Variants in ALPK2 observed in about 807,000 individuals in gnomAD.
ALPK2 encodes alpha-protein kinase 2.
ALPK2 carries 127 observed loss-of-function variants against 163.1 expected under a neutral mutation model. The ratio of observed to expected loss-of-function variants is 0.78; its 90% CI spans 0.67 to 0.90. The LOEUF (loss-of-function observed/expected upper bound fraction) is 0.90. ALPK2 is among the 40% of genes least tolerant of loss of function. The pLI is 0.00. For synonymous variants in ALPK2, 953 were observed against 959.1 expected (o/e 0.99, Z 0.12); for missense variants, 2,360 against 2,589.6 (o/e 0.91, Z 1.92).
chr18:58,626,159 G>T (rs1295301687), intron 1 of ALPK2, among the ~76,000 whole-genome samples: 1 of 152,152 alleles, frequency 6.6e-6, no homozygotes, highest in Non-Finnish European at 1.5e-5. Flanking sequence ...ATGGGCCTGG[G>T]AAAGAGCTGT....
intron 11 of ALPK2, among the ~76,000 whole-genome samples, chr18:58,501,252 T>G (rs1806503): frequency 1.5e-4 from 23 of 152,230 alleles, no homozygotes; most frequent in African/African-American, 5.5e-4. Context: ...TAACTGTGCA[T>G]GAAGCCCTGG....
At chr18:58,493,694 C>T (rs1198642440) in intron 12 of ALPK2, among the ~76,000 whole-genome samples, 2 of 152,114 alleles carry the variant, frequency 1.3e-5, no homozygotes, top group African/African-American at 4.8e-5. Context: ...AGGCTTCTGT[C>T]CAGGGTCTCG....
chr18:58,566,683 T>C (rs1207480511), intron 4 of ALPK2: 4 of 152,212 alleles, frequency 2.6e-5, no homozygotes, highest in Non-Finnish European at 4.4e-5. Flanking sequence ...AATGCACACC[T>C]GTTTTGGATT....
chr18:58,501,170 A>G (rs1246847912), intron 11 of ALPK2, among the ~76,000 whole-genome samples: 1 of 152,256 alleles, frequency 6.6e-6, no homozygotes, highest in Non-Finnish European at 1.5e-5. Context: ...CCACCACGTT[A>G]AACCACACAC....
intron 4 of ALPK2, among the ~76,000 whole-genome samples, chr18:58,565,939 G>A (rs944299124): frequency 2.6e-4 from 40 of 151,790 alleles, no homozygotes; most frequent in Admixed American, 5.9e-4. Context: ...GCACCACCAC[G>A]CCCCGGCTAA....
chr18:58,486,644 C>A (rs143265457), intron 12 of ALPK2, among the ~76,000 whole-genome samples: 1 of 152,198 alleles, frequency 6.6e-6, no homozygotes, highest in South Asian at 2.1e-4. Flanking sequence ...CAGTGTTGAA[C>A]TTCCCTTTCC....
At chr18:58,529,400 C>T (rs920171629) in intron 5 of ALPK2, among the ~76,000 whole-genome samples, 162 bp from the exon 6 acceptor site, 1 of 152,074 alleles carries the variant, frequency 6.6e-6, no homozygotes, top group Non-Finnish European at 1.5e-5. Context: ...CCTAAATAGT[C>T]GGAAAATTTA....
intron 1 of ALPK2, among the ~76,000 whole-genome samples, chr18:58,626,844 TTATA>T (rs1266000911): frequency 1.3e-5 from 2 of 151,978 alleles, no homozygotes; most frequent in Non-Finnish European, 2.9e-5. Context: ...TTCTATTACT[TTATA>T]TAGTTTATTT....
At chr18:58,581,792 G>A (rs2051960354) in intron 3 of ALPK2, among the ~76,000 whole-genome samples, 1 of 152,208 alleles carries the variant, frequency 6.6e-6, no homozygotes. Flanking sequence ...CAGGAGCTGT[G>A]GGTCTGGCTT....
chr18:58,545,604 G>A (rs954677611), intron 4 of ALPK2, among the ~76,000 whole-genome samples: 2 of 152,226 alleles, frequency 1.3e-5, no homozygotes, highest in Non-Finnish European at 1.5e-5. Context: ...CAGAAGCCCC[G>A]GGGCCAGGAG....
chr18:58,496,594 A>G (rs1485846285), intron 12 of ALPK2, among the ~76,000 whole-genome samples: 1 of 152,174 alleles, frequency 6.6e-6, no homozygotes, highest in African/African-American at 2.4e-5. Flanking sequence ...CCTTTATTGA[A>G]GCTGAAAATT....
intron 4 of ALPK2, among the ~76,000 whole-genome samples, chr18:58,560,833 T>C (rs1021225669): frequency 5.3e-5 from 8 of 152,180 alleles, no homozygotes; most frequent in Admixed American, 5.2e-4. Context: ...TTTTCCAGAG[T>C]TGGAGAATTT....
intron 12 of ALPK2, among the ~76,000 whole-genome samples, 199 bp downstream of exon 12, chr18:58,497,850 A>G (rs1366650070): frequency 1.3e-5 from 2 of 152,250 alleles, no homozygotes; most frequent in African/African-American, 4.8e-5. Context: ...CAAAGTTAAG[A>G]AACAAATGTG....
Position 58,483,567 on chromosome 18 carries a change from T to TTATC in ALPK2, c.6297-1529_6297-1528insGATA, listed in dbSNP as rs58636544. ...TTTATTTATTTATTTATTTATTTAT[T>TTATC]GAGACAGAGTCTCATTCTTGTTGCC... On this transcript the variant is annotated intron_variant, in intron 12 of 12. Coordinates refer to ENST00000361673, the MANE Select transcript of ALPK2 (RefSeq NM_052947.4). Among the ~76,000 whole-genome samples, 18 of 150,140 alleles carry TTATC rather than the reference T, an allele frequency of 1.2e-4. No individual in the cohort carries two copies. The East Asian group carries it at 3.5e-3, about 29-fold the overall frequency.
At chr18:58,584,453 C>T (rs975110110) in intron 3 of ALPK2, among the ~76,000 whole-genome samples, 1 of 152,160 alleles carries the variant, frequency 6.6e-6, no homozygotes, top group African/African-American at 2.4e-5. Flanking sequence ...GCCATAGAGC[C>T]GGGATAAGAA....
intron 4 of ALPK2, among the ~76,000 whole-genome samples, chr18:58,557,637 AGT>A (rs1305736776): frequency 2.7e-5 from 4 of 148,618 alleles, no homozygotes; most frequent in East Asian, 2.0e-4. Context: ...TATAAACTAT[AGT>A]GTGTGTGTAT....
intron 4 of ALPK2, among the ~76,000 whole-genome samples, chr18:58,544,036 TACAAGGTCTAA>T (rs2051704925): frequency 6.6e-6 from 1 of 152,196 alleles, no homozygotes. Flanking sequence ...TCTACTTCCC[TACAAGGTCTAA>T]GGGTAGGGAC....
chr18:58,609,824 A>G (rs962374930), intron 2 of ALPK2, among the ~76,000 whole-genome samples: 2 of 152,178 alleles, frequency 1.3e-5, no homozygotes, highest in African/African-American at 4.8e-5. Context: ...GACCACAGCC[A>G]AGTTCAGGGC....
At chr18:58,552,752 G>A (rs2051766579) in intron 4 of ALPK2, among the ~76,000 whole-genome samples, 1 of 152,174 alleles carries the variant, frequency 6.6e-6, no homozygotes, top group Non-Finnish European at 1.5e-5. Flanking sequence ...GGTTGTTAAT[G>A]ATCTAGAAAG....
Sources: allele counts gnomAD v4.1 joint callset (sites outside exome capture counted in the v4.1 genomes callset), GRCh38; gene constraint gnomAD v4.1.1; transcripts MANE v1.5; gene names NCBI Gene and HGNC (gene_info 2026-07-23, HGNC 2026-07-21).